Variants in MAP3K7 observed in about 807,000 individuals in gnomAD.
MAP3K7 encodes mitogen-activated protein kinase kinase kinase 7, also known as TGF-beta activated kinase 1.
A neutral mutation model predicts 84.8 loss-of-function variants in MAP3K7; 21 were observed. That is an observed-to-expected ratio of 0.25 (90% confidence interval 0.18 to 0.36). The LOEUF (loss-of-function observed/expected upper bound fraction) is 0.36, where lower values mean the gene tolerates loss of function less well. Among genes scored for constraint, MAP3K7 ranks in the 10% least tolerant of loss-of-function variants. The pLI is 1.00. For synonymous variants in MAP3K7, 241 were observed against 247.7 expected, an observed-to-expected ratio of 0.97 and a Z score of 0.25; for missense variants, 503 against 747.7, an observed-to-expected ratio of 0.67 and a Z score of 3.82.
chr6:90,527,571 G>C (rs1280546050), intron 13 of MAP3K7, among the ~76,000 whole-genome samples: 1 of 152,096 alleles, frequency 6.6e-6, no homozygotes, highest in African/African-American at 2.4e-5. Flanking sequence ...CCAGTGGGAA[G>C]AGGACTTCTT....
At chr6:90,555,622 C>T (rs1006411491) in intron 6 of MAP3K7, among the ~76,000 whole-genome samples, 1 of 152,104 alleles carries the variant, frequency 6.6e-6, no homozygotes, top group African/African-American at 2.4e-5. Flanking sequence ...GCTAGGAAAC[C>T]AATACAAAAG....
chr6:90,523,816 TG>T (rs1775233286), intron 13 of MAP3K7, 33 bp from the exon 14 acceptor site: 1 of 1,223,826 alleles, frequency 8.2e-7, no homozygotes, highest in Non-Finnish European at 1.2e-6. Flanking sequence ...AAACAAAATG[TG>T]ATTTTTTGAT....
intron 11 of MAP3K7, 28 bp downstream of exon 11, chr6:90,547,229 CA>C: frequency 6.2e-7 from 1 of 1,611,984 alleles, no homozygotes; most frequent in Non-Finnish European, 8.5e-7. Flanking sequence ...TATACATTTT[CA>C]CTCTTCAGAC....
At chr6:90,557,760 T>C (rs907032828) in intron 5 of MAP3K7, among the ~76,000 whole-genome samples, 10 of 152,182 alleles carry the variant, frequency 6.6e-5, no homozygotes, top group Admixed American at 3.9e-4. Context: ...ACTTCAAAAG[T>C]TCACCAGCCT....
rs1582151250 is a variant in MAP3K7, at chr6:90,516,100, T to C, written c.*401A>G. On this transcript the variant is annotated 3_prime_UTR_variant, in exon 17 of 17. Transcript: ENST00000369329. The stretch of plus-strand genomic sequence containing the variant: ...GAAAAAAATTATTAATATTTTGAGA[T>C]GAGATACAAGAATAAAGTCATTCTT... The C allele has an allele frequency of 5.6e-6, 1 of 177,042 alleles. No homozygotes were observed. The highest frequency in any genetic ancestry group is 1.7e-4 in the East Asian group (1 of 5,734). The allele number at this position is 177,042 out of a possible 1,614,324, so 11.0% of individuals were successfully genotyped here.
At chr6:90,566,470 A>T (rs1171998668) in intron 3 of MAP3K7, among the ~76,000 whole-genome samples, 3 of 152,186 alleles carry the variant, frequency 2.0e-5, no homozygotes, top group Admixed American at 2.0e-4. Flanking sequence ...CAATTGCTTC[A>T]AAGAGAATAA....
intron 13 of MAP3K7, among the ~76,000 whole-genome samples, chr6:90,535,527 C>T (rs1355520304): frequency 6.6e-6 from 1 of 151,838 alleles, no homozygotes; most frequent in African/African-American, 2.4e-5. Context: ...TCTTGTACAG[C>T]TGAAAACAAA....
At chr6:90,561,924 G>T (rs1439583278) in intron 3 of MAP3K7, among the ~76,000 whole-genome samples, 1 of 152,332 alleles carries the variant, frequency 6.6e-6, no homozygotes, top group South Asian at 2.1e-4. Context: ...TCCAGTGCCA[G>T]TAAGTAGGTG....
intron 8 of MAP3K7, chr6:90,551,293 T>A (rs912474313): frequency 1.3e-5 from 2 of 152,132 alleles, no homozygotes; most frequent in African/African-American, 4.8e-5. Flanking sequence ...GGAAATTACT[T>A]AGTCTATATT....
intron 5 of MAP3K7, among the ~76,000 whole-genome samples, 188 bp from the exon 6 acceptor site, chr6:90,556,812 A>G (rs1776351965): frequency 6.6e-6 from 1 of 152,180 alleles, no homozygotes; most frequent in Non-Finnish European, 1.5e-5. Context: ...ATAAGCAAAA[A>G]TTAATTAACC....
chr6:90,531,237 T>C (rs1480523492), intron 13 of MAP3K7, among the ~76,000 whole-genome samples: 2 of 152,174 alleles, frequency 1.3e-5, no homozygotes, highest in Non-Finnish European at 2.9e-5. Context: ...AAAGCTCAGC[T>C]TTTAATATCT....
chr6:90,517,546 A>G (rs535040593), intron 16 of MAP3K7, among the ~76,000 whole-genome samples: 1 of 151,972 alleles, frequency 6.6e-6, no homozygotes, highest in South Asian at 2.1e-4. Flanking sequence ...TATAGGTTAA[A>G]TAAGTGAAAT....
chr6:90,525,333 C>A (rs1357462727), intron 13 of MAP3K7, among the ~76,000 whole-genome samples: 4 of 152,036 alleles, frequency 2.6e-5, no homozygotes, highest in African/African-American at 9.7e-5. Context: ...CAGAATACAA[C>A]AATTCAAAAT....
chr6:90,517,068 C>T (rs1774990222), intron 16 of MAP3K7, among the ~76,000 whole-genome samples: 1 of 151,844 alleles, frequency 6.6e-6, no homozygotes, highest in Non-Finnish European at 1.5e-5. Context: ...TACTGATTCA[C>T]ATTCTGAAGT....
chr6:90,518,048 T>C (rs1299244893), intron 16 of MAP3K7, among the ~76,000 whole-genome samples: 3 of 151,736 alleles, frequency 2.0e-5, no homozygotes, highest in African/African-American at 4.8e-5. Context: ...AGTTATGAAA[T>C]ACAGTCTTTT....
intron 16 of MAP3K7, among the ~76,000 whole-genome samples, chr6:90,516,995 G>A (rs557692453): frequency 1.3e-5 from 2 of 151,922 alleles, no homozygotes; most frequent in East Asian, 3.9e-4. Flanking sequence ...AAAAGGCTGG[G>A]AAGGGTTCTA....
chr6:90,556,721 C>A, intron 5 of MAP3K7, 97 bp from the exon 6 acceptor site: 1 of 1,219,518 alleles, frequency 8.2e-7, no homozygotes. Context: ...AAAGGTTAAG[C>A]AAAATGAATG....
rs1351995537 is a variant in MAP3K7, at chr6:90,532,183, A to AGACCTTG, written c.1356+4153_1356+4154insCAAGGTC. 2.6e-5 allele frequency among the ~76,000 whole-genome samples: 4 copies of AGACCTTG among 152,350 alleles called. No individual in the cohort carries two copies. The East Asian group carries it at 7.7e-4, about 29-fold the overall frequency. The stretch of plus-strand genomic sequence containing the variant: ...TTAATATCACTCAATATGCGATAAG[A>AGACCTTG]GACCTTTAAAGCAAATACTTTCCAT... On this transcript the variant is annotated intron_variant, in intron 13 of 16. Coordinates refer to ENST00000369329, the MANE Select transcript of MAP3K7 (RefSeq NM_145331.3).
intron 9 of MAP3K7, among the ~76,000 whole-genome samples, chr6:90,549,124 T>A (rs1343407929): frequency 1.3e-5 from 2 of 152,034 alleles, no homozygotes; most frequent in Non-Finnish European, 2.9e-5. Context: ...TGGGATATAA[T>A]GCACAGGCAG....
Sources: allele counts gnomAD v4.1 joint callset (sites outside exome capture counted in the v4.1 genomes callset), GRCh38; gene constraint gnomAD v4.1.1; transcripts MANE v1.5; gene names NCBI Gene and HGNC (gene_info 2026-07-23, HGNC 2026-07-21).